Variants in CERKL observed in about 807,000 individuals in gnomAD.
The protein encoded by CERKL is ceramide kinase-like protein.
CERKL carries 61 observed loss-of-function variants against 63.4 expected under a neutral mutation model. The ratio of observed to expected loss-of-function variants is 0.96; its 90% CI spans 0.78 to 1.19. The LOEUF is 1.19. Ranked by LOEUF, CERKL falls within the 50% of genes most tolerant of loss-of-function variation. The pLI is 0.00. For missense variants in CERKL, 675 were observed against 655.5 expected (o/e 1.03, Z -0.33); for synonymous variants, 250 against 230.5 (o/e 1.08, Z -0.77).
chr2:181,569,479 T>C (rs1417629161), intron 3 of CERKL, among the ~76,000 whole-genome samples: 1 of 152,066 alleles, frequency 6.6e-6, no homozygotes, highest in Non-Finnish European at 1.5e-5. Flanking sequence ...AGAAACACTA[T>C]GAAGAGGCTT....
At chr2:181,646,854 T>A (rs950368735) in intron 1 of CERKL, among the ~76,000 whole-genome samples, 1 of 152,172 alleles carries the variant, frequency 6.6e-6, no homozygotes. Context: ...AGGTCTCAGA[T>A]GGTTGAAGAA....
chr2:181,641,324 T>TATATAC (rs1687421951), intron 1 of CERKL, among the ~76,000 whole-genome samples: 1 of 108,718 alleles, frequency 9.2e-6, no homozygotes, highest in African/African-American at 4.8e-5. Flanking sequence ...TATATATATA[T>TATATAC]ATATATATAT....
chr2:181,618,198 C>T (rs1168389062), intron 1 of CERKL, among the ~76,000 whole-genome samples: 3 of 151,564 alleles, frequency 2.0e-5, no homozygotes, highest in African/African-American at 7.3e-5. Context: ...ACTAAATTCT[C>T]AGACTTCACC....
At chr2:181,548,435 C>T (rs186140454) in intron 8 of CERKL, 110 bp downstream of exon 8, 211 of 835,582 alleles carry the variant, frequency 2.5e-4, no homozygotes, top group Admixed American at 7.1e-4. Context: ...ATATTCTTTA[C>T]TACTATGTTA....
At chr2:181,639,823 C>A (rs1298488765) in intron 1 of CERKL, among the ~76,000 whole-genome samples, 1 of 152,184 alleles carries the variant, frequency 6.6e-6, no homozygotes, top group East Asian at 1.9e-4. Context: ...TACATAGTTT[C>A]TTTGCTAAGG....
rs760510226 is a variant in CERKL at position 181,547,746 on chromosome 2, T to C, written c.1160-20A>G. 3 of 1,613,450 alleles carry C rather than the reference T, an allele frequency of 1.9e-6. No homozygotes were observed. Among genetic ancestry groups the C allele is most frequent in the Non-Finnish European group, 2.5e-6 (3 of 1,179,402 alleles). On this transcript the variant is annotated intron_variant, in intron 9 of 12. Coordinates refer to ENST00000410087, the MANE Select transcript of CERKL (RefSeq NM_201548.5). ...TACAGTCTAAAGGTAATGAAAGTGATTGGTTATTTTCCCTCACCAGAACAA... is the reference window on the plus strand; with the variant it reads ...TACAGTCTAAAGGTAATGAAAGTGACTGGTTATTTTCCCTCACCAGAACAA...
chr2:181,582,676 C>G (rs543711102), intron 2 of CERKL, among the ~76,000 whole-genome samples: 1 of 151,782 alleles, frequency 6.6e-6, no homozygotes, highest in Non-Finnish European at 1.5e-5. Context: ...GCTGGGATTA[C>G]TGGGATTACA....
intron 1 of CERKL, among the ~76,000 whole-genome samples, chr2:181,611,204 C>G (rs564294137): frequency 6.6e-6 from 1 of 152,166 alleles, no homozygotes; most frequent in African/African-American, 2.4e-5. Flanking sequence ...GCCTGGGCAA[C>G]AGAGTGAAAC....
intron 1 of CERKL, among the ~76,000 whole-genome samples, chr2:181,610,898 A>G (rs557437376): frequency 6.6e-6 from 1 of 152,302 alleles, no homozygotes; most frequent in South Asian, 2.1e-4. Flanking sequence ...AATTTACTCT[A>G]AGGGAATAAA....
In CERKL at chr2:181,586,660, T is replaced by C. The variant is rs1203378687; in HGVS notation, c.482-12776A>G. Among the ~76,000 whole-genome samples the C allele has an allele frequency of 2.0e-5, 3 of 152,184 alleles. No homozygotes were observed. The East Asian group carries it at 5.8e-4, about 29-fold the overall frequency. ...GCCAGTTTGCAATGAACCAGCAATG[T>C]AAAACAGAATGGCCAACTGTTCCTC... On this transcript the variant is annotated intron_variant, in intron 2 of 12. Transcript: ENST00000410087.
intron 3 of CERKL, among the ~76,000 whole-genome samples, chr2:181,566,541 C>T: frequency 6.6e-6 from 1 of 152,084 alleles, no homozygotes; most frequent in East Asian, 1.9e-4. Flanking sequence ...ATAAATTAGT[C>T]AAAAGGTTAG....
chr2:181,650,111 G>GGAAGGAAGGAAGGA (rs1249848828), intron 1 of CERKL: 1 of 37,450 alleles, frequency 2.7e-5, no homozygotes, highest in Non-Finnish European at 5.0e-5. Context: ...GGGAGGGAGG[G>GGAAGGAAGGAAGGA]AGGAAGGAAG....
Position 181,536,688 on chromosome 2 carries a change from A to AATATTTTTAT in CERKL, c.*1486_*1495dup, listed in dbSNP as rs1237087584. ...ACAGCAAAATTTTCATGAAATGTAA[A>AATATTTTTAT]ATATTTTTATAGTTTGTTCATACTA... On this transcript the variant is annotated 3_prime_UTR_variant, in exon 13 of 13. Coordinates refer to ENST00000410087, the MANE Select transcript of CERKL (RefSeq NM_201548.5). 5.7e-6 allele frequency: 1 copy of AATATTTTTAT among 175,946 alleles called. No homozygotes were observed. The highest frequency in any genetic ancestry group is 1.2e-5 in the Non-Finnish European group (1 of 81,808). 10.9% of individuals were successfully genotyped at this position (175,946 alleles called of 1,614,324 possible).
chr2:181,626,134 C>T (rs987095767), intron 1 of CERKL, among the ~76,000 whole-genome samples: 3 of 152,222 alleles, frequency 2.0e-5, no homozygotes, highest in Admixed American at 1.3e-4. Context: ...CAAAAAACCA[C>T]CCTTCAATTA....
intron 1 of CERKL, among the ~76,000 whole-genome samples, chr2:181,611,198 G>A (rs1375250686): frequency 1.3e-5 from 2 of 151,954 alleles, no homozygotes; most frequent in African/African-American, 2.4e-5. Flanking sequence ...ACTTCAGCCT[G>A]GGCAACAGAG....
intron 3 of CERKL, among the ~76,000 whole-genome samples, chr2:181,567,822 T>C (rs1298292835): frequency 2.0e-5 from 3 of 152,170 alleles, no homozygotes; most frequent in Admixed American, 6.5e-5. Context: ...TTAAATATAG[T>C]AGAAAGGACC....
intron 1 of CERKL, among the ~76,000 whole-genome samples, chr2:181,611,402 T>G (rs1330030046): frequency 1.3e-5 from 2 of 152,058 alleles, no homozygotes; most frequent in Admixed American, 1.3e-4. Flanking sequence ...CTAATGCCTG[T>G]GATTGCAGTG....
Position 181,536,795 on chromosome 2 carries a change from C to CAA in CERKL, c.*1388_*1389insTT. On this transcript the variant is annotated 3_prime_UTR_variant, in exon 13 of 13. Transcript: ENST00000410087. ...TCATTTTTGTAATATTTATTTTATG[C>CAA]TTATGATCTAGATAATTGCAGAATA... is the stretch of plus-strand genomic sequence containing the variant. 3.8e-6 allele frequency: 1 copy of CAA among 261,208 alleles called. No homozygotes were observed. Among genetic ancestry groups the CAA allele is most frequent in the East Asian group, 9.9e-5 (1 of 10,074 alleles). The allele number at this position is 261,208 out of a possible 1,614,324, so 16.2% of individuals were successfully genotyped here.
At position 181,536,818 on chromosome 2, in the gene CERKL, A is replaced by G. The variant is rs748017025; in HGVS notation, c.*1366T>C. ...TGCTTATGATCTAGATAATTGCAGA[A>G]TATCATTTTATCTGACTCTGCCTTC... On this transcript the variant is annotated 3_prime_UTR_variant, in exon 13 of 13. Transcript: ENST00000410087. 1.5e-5 allele frequency: 5 copies of G among 329,048 alleles called. No homozygotes were observed. Among genetic ancestry groups the G allele is most frequent in the South Asian group, 1.3e-4 (5 of 39,170 alleles). The allele number at this position is 329,048 out of a possible 1,614,324, so 20.4% of individuals were successfully genotyped here. A position where few individuals can be genotyped will look rare whatever the true frequency, so the allele number is the denominator to read the frequency against.
Sources: gnomAD v4.1 joint callset for allele counts (sites outside exome capture counted in the v4.1 genomes callset) on GRCh38, gnomAD v4.1.1 for gene constraint, MANE v1.5 for transcripts, NCBI Gene and HGNC (gene_info 2026-07-23, HGNC 2026-07-21) for gene names.